The following CTNND2 variants were observed in gnomAD, a reference collection of about 807,000 sequenced individuals.
CTNND2 encodes the protein catenin delta 2.
A neutral mutation model predicts 144.4 loss-of-function variants in CTNND2; 22 were observed. The observed-to-expected ratio is 0.15, with a 90% CI of 0.11 to 0.22. The LOEUF (loss-of-function observed/expected upper bound fraction) is 0.22, where lower values mean the gene tolerates loss of function less well. Ranked by LOEUF, CTNND2 falls within the 10% of genes least tolerant of loss-of-function variation. The pLI is 1.00. For synonymous variants in CTNND2, 751 were observed against 695.6 expected (o/e 1.08, Z -1.25); for missense variants, 1,353 against 1,618.8 (o/e 0.84, Z 2.82).
chr5:10,998,365 CAGAGT>C (rs1391117533), intron 18 of CTNND2, among the ~76,000 whole-genome samples: 1 of 152,124 alleles, frequency 6.6e-6, no homozygotes, highest in Non-Finnish European at 1.5e-5. Flanking sequence ...AGGAATGGGG[CAGAGT>C]AAACACCCAA....
chr5:11,371,261 C>A (rs930250835), intron 7 of CTNND2, among the ~76,000 whole-genome samples: 2 of 152,180 alleles, frequency 1.3e-5, no homozygotes, highest in Admixed American at 6.5e-5. Flanking sequence ...TGGCTTGATA[C>A]CTGTTATCAT....
chr5:11,467,331 G>A (rs1164688428), intron 3 of CTNND2, among the ~76,000 whole-genome samples: 1 of 152,206 alleles, frequency 6.6e-6, no homozygotes, highest in African/African-American at 2.4e-5. Context: ...GCTCGTCCTG[G>A]TTGTATCTGG....
chr5:11,866,159 C>T (rs753608939), intron 1 of CTNND2, among the ~76,000 whole-genome samples: 1 of 152,036 alleles, frequency 6.6e-6, no homozygotes, highest in African/African-American at 2.4e-5. Context: ...AAAAGTTAGC[C>T]AGGTGCAGTG....
intron 3 of CTNND2, among the ~76,000 whole-genome samples, chr5:11,534,298 G>A (rs1407323174): frequency 3.3e-5 from 5 of 152,148 alleles, no homozygotes; most frequent in Non-Finnish European, 7.3e-5. Flanking sequence ...GAACAGTGTA[G>A]CCCATAAGAG....
chr5:11,516,156 T>C (rs965956838), intron 3 of CTNND2, among the ~76,000 whole-genome samples: 1 of 152,026 alleles, frequency 6.6e-6, no homozygotes, highest in Non-Finnish European at 1.5e-5. Context: ...TTATCAAATA[T>C]GAAATAGGGC....
intron 11 of CTNND2, among the ~76,000 whole-genome samples, chr5:11,181,839 CATGTGTGTGTGGATGT>C (rs1187075562): frequency 8.3e-6 from 1 of 121,076 alleles, no homozygotes; most frequent in African/African-American, 3.7e-5. Context: ...GTATGTGTGG[CATGTGTGTGTGGATGT>C]GTGTGTGTGT....
intron 1 of CTNND2, among the ~76,000 whole-genome samples, chr5:11,822,038 T>G (rs2079374896): frequency 6.6e-6 from 1 of 152,182 alleles, no homozygotes; most frequent in Admixed American, 6.5e-5. Context: ...ACCCCATCTA[T>G]GTAGCAATTA....
chr5:11,604,489 T>C (rs1331109961), intron 2 of CTNND2, among the ~76,000 whole-genome samples: 1 of 152,226 alleles, frequency 6.6e-6, no homozygotes, highest in African/African-American at 2.4e-5. Flanking sequence ...TTGTGGAGCA[T>C]GGGTCTGCGC....
intron 9 of CTNND2, among the ~76,000 whole-genome samples, chr5:11,238,382 A>G (rs1287934445): frequency 6.6e-6 from 1 of 152,222 alleles, no homozygotes; most frequent in Non-Finnish European, 1.5e-5. Context: ...CATACATCCT[A>G]TCAATGCCAG....
chr5:11,348,686 T>C (rs1755045559), intron 8 of CTNND2, among the ~76,000 whole-genome samples: 1 of 150,970 alleles, frequency 6.6e-6, no homozygotes. Context: ...AACAACAGAG[T>C]AGGTAAGGAG....
intron 19 of CTNND2, among the ~76,000 whole-genome samples, chr5:10,991,419 G>A (rs188353997): frequency 6.6e-6 from 1 of 152,294 alleles, no homozygotes; most frequent in African/African-American, 2.4e-5. Flanking sequence ...TGTCATCTGT[G>A]TGGGTGCATA....
chr5:11,119,887 A>G (rs1237955148), intron 12 of CTNND2, among the ~76,000 whole-genome samples: 2 of 152,172 alleles, frequency 1.3e-5, no homozygotes. Flanking sequence ...TCCTTCGAGT[A>G]TCCTTTTTTT....
chr5:11,435,561 C>A (rs1276402623), intron 3 of CTNND2, among the ~76,000 whole-genome samples: 4 of 152,130 alleles, frequency 2.6e-5, no homozygotes, highest in African/African-American at 9.7e-5. Context: ...ACAACCTAGG[C>A]AAATAGATGC....
At chr5:11,439,534 C>T (rs916386146) in intron 3 of CTNND2, among the ~76,000 whole-genome samples, 5 of 152,116 alleles carry the variant, frequency 3.3e-5, no homozygotes, top group South Asian at 4.1e-4. Context: ...GTCCAAACCA[C>T]GACTTTTTTC....
chr5:11,902,802 CT>C (rs2126357335), intron 1 of CTNND2, among the ~76,000 whole-genome samples: 1 of 152,202 alleles, frequency 6.6e-6, no homozygotes, highest in South Asian at 2.1e-4. Flanking sequence ...AAAAAAACAC[CT>C]TGGAAACACA....
At chr5:11,623,558 T>A (rs187965564) in intron 2 of CTNND2, among the ~76,000 whole-genome samples, 315 of 151,822 alleles carry the variant, frequency 2.1e-3, no homozygotes, top group Admixed American at 4.3e-3. Context: ...TTTGCCTTTA[T>A]CAGCAGTGTG....
At chr5:11,013,236 G>T (rs1741272339) in intron 18 of CTNND2, among the ~76,000 whole-genome samples, 1 of 152,092 alleles carries the variant, frequency 6.6e-6, no homozygotes, top group Non-Finnish European at 1.5e-5. Flanking sequence ...ACTTCTCCAT[G>T]GGTGTCCACT....
rs550005301 is a variant in CTNND2, at chr5:11,685,042, T to C, written c.174+47094A>G. ...TCATCTTATTCATAGTGCAACCTAA[T>C]AAAAGGGCTATTTTGTCATCTAAAA... On this transcript the variant is annotated intron_variant, in intron 2 of 21. Transcript: ENST00000304623. 1.4e-4 allele frequency among the ~76,000 whole-genome samples: 21 copies of C among 152,320 alleles called. No individual in the cohort carries two copies. The East Asian group carries it at 4.1e-3, about 29-fold the overall frequency.
chr5:11,729,562 A>T (rs1039763565), intron 2 of CTNND2, among the ~76,000 whole-genome samples: 1 of 152,210 alleles, frequency 6.6e-6, no homozygotes, highest in African/African-American at 2.4e-5. Flanking sequence ...ACTGCATAAT[A>T]TTTATAGAAA....
Sources: allele counts gnomAD v4.1 joint callset (sites outside exome capture counted in the v4.1 genomes callset), GRCh38; gene constraint gnomAD v4.1.1; transcripts MANE v1.5; gene names NCBI Gene and HGNC (gene_info 2026-07-23, HGNC 2026-07-21).